Variants in EHD4 observed in about 807,000 individuals in gnomAD.
EHD4 encodes the protein EH domain containing 4, also known as EH domain-containing protein 4.
EHD4 carries 37 observed loss-of-function variants against 51.0 expected under a neutral mutation model. The observed-to-expected ratio is 0.73, with a 90% CI of 0.56 to 0.95. The LOEUF is 0.95. EHD4 is among the 40% of genes least tolerant of loss of function. The probability of loss-of-function intolerance (pLI) is 0.00; values close to 1 mark genes in which losing one functional copy is unlikely to be tolerated. For missense variants in EHD4, 632 were observed against 733.1 expected, an observed-to-expected ratio of 0.86 and a Z score of 1.59; for synonymous variants, 297 against 317.3, an observed-to-expected ratio of 0.94 and a Z score of 0.68.
chr15:41,945,415 C>T (rs1005136719), intron 2 of EHD4, among the ~76,000 whole-genome samples: 1 of 152,196 alleles, frequency 6.6e-6, no homozygotes, highest in Non-Finnish European at 1.5e-5. Context: ...AGCAAGCCAC[C>T]GTGAGATGTG....
rs576091991 is a variant in EHD4, at chr15:41,919,482, G to T, written c.652C>A (p.Arg218Ser). 2.6e-6 allele frequency: 4 copies of T among 1,559,710 alleles called. No homozygotes were observed. In the Admixed American group the frequency reaches 5.8e-5, roughly 23 times the overall value. ...TGGTCGGCCTTGTTCAGCACGACACGGATCTTGTCGTCCTGGCCCCGGAAG... is the reference window on the plus strand; with the variant it reads ...TGGTCGGCCTTGTTCAGCACGACACTGATCTTGTCGTCCTGGCCCCGGAAG... ...KAFRGQDDKI[R>S]VVLNKADQVD... The change falls in exon 4 of 6, where the codon CGT becomes AGT. Residue 218 changes from arginine to serine, a missense_variant. Coordinates refer to ENST00000220325, the MANE Select transcript of EHD4 (RefSeq NM_139265.4).
At chr15:41,968,742 T>A (rs1419929538) in intron 1 of EHD4, among the ~76,000 whole-genome samples, 2 of 152,240 alleles carry the variant, frequency 1.3e-5, no homozygotes, top group Non-Finnish European at 2.9e-5. Context: ...GAAAATTAAA[T>A]CACATGATGC....
At chr15:41,920,437 G>A (rs1342194113) in intron 3 of EHD4, among the ~76,000 whole-genome samples, 4 of 152,186 alleles carry the variant, frequency 2.6e-5, no homozygotes, top group Non-Finnish European at 1.5e-5. Context: ...AGGAGGCCAA[G>A]CCCACAAAGT....
chr15:41,971,513 C>G (rs1173858394), intron 1 of EHD4, among the ~76,000 whole-genome samples: 2 of 152,192 alleles, frequency 1.3e-5, no homozygotes, highest in Non-Finnish European at 2.9e-5. Context: ...ACAGGGTATG[C>G]ACAGTGATTG....
At chr15:41,903,453 TACACAC>T (rs146543286) in intron 5 of EHD4, among the ~76,000 whole-genome samples, 38,991 of 144,334 alleles carry the variant, frequency 0.27, 5,116 homozygotes, top group Middle Eastern at 0.41. Context: ...TTAACATACA[TACACAC>T]ACACACACAC....
At chr15:41,964,284 A>G (rs892757365) in intron 1 of EHD4, among the ~76,000 whole-genome samples, 2 of 152,202 alleles carry the variant, frequency 1.3e-5, no homozygotes, top group Non-Finnish European at 2.9e-5. Flanking sequence ...ACTAGTAAGA[A>G]ATAAACAAAT....
chr15:41,924,196 G>T (rs540362382), intron 3 of EHD4, among the ~76,000 whole-genome samples: 18 of 152,252 alleles, frequency 1.2e-4, no homozygotes, highest in African/African-American at 3.4e-4. Flanking sequence ...TTCACACAGG[G>T]TATTAAAATC....
intron 1 of EHD4, among the ~76,000 whole-genome samples, chr15:41,961,238 C>T (rs982000174): frequency 4.6e-5 from 7 of 152,220 alleles, no homozygotes; most frequent in African/African-American, 1.7e-4. Flanking sequence ...CTGCTGTCTA[C>T]CCACTGCCAT....
intron 2 of EHD4, among the ~76,000 whole-genome samples, chr15:41,951,752 C>T (rs1349078978): frequency 6.6e-6 from 1 of 152,204 alleles, no homozygotes; most frequent in Non-Finnish European, 1.5e-5. Context: ...CCACCCTGGG[C>T]CACTCTGTCC....
chr15:41,962,739 C>A (rs1424766242), intron 1 of EHD4, among the ~76,000 whole-genome samples: 1 of 152,020 alleles, frequency 6.6e-6, no homozygotes, highest in Non-Finnish European at 1.5e-5. Flanking sequence ...GCCCAGCCAC[C>A]CTGTCTGGGA....
Position 41,927,820 on chromosome 15 carries a change from CG to C in EHD4, c.512-8199del, listed in dbSNP as rs148845819. ...TGCTTGTAATGGATACTTAAAAATG[CG>C]TAAAGAGGGTAGATTTCGTTAAGTG... On this transcript the variant is annotated intron_variant, in intron 3 of 5. Transcript: ENST00000220325. Among the ~76,000 whole-genome samples, 312 of 152,172 alleles carry C rather than the reference CG, an allele frequency of 2.1e-3. 1 individual carries two copies. Among genetic ancestry groups the C allele is most frequent in the Admixed American group, 3.6e-3 (55 of 15,288 alleles).
chr15:41,908,957 G>C (rs1595530522), intron 5 of EHD4, among the ~76,000 whole-genome samples: 1 of 152,350 alleles, frequency 6.6e-6, no homozygotes, highest in South Asian at 2.1e-4. Flanking sequence ...CCAGGGCAGA[G>C]GGGTCCTTGC....
intron 3 of EHD4, chr15:41,942,815 A>AGTG: frequency 1.2e-5 from 2 of 166,882 alleles, no homozygotes; most frequent in Non-Finnish European, 1.0e-5. Context: ...GATACCTCCC[A>AGTG]TTGTTTACCC....
At chr15:41,936,475 G>A (rs761288919) in intron 3 of EHD4, among the ~76,000 whole-genome samples, 8 of 152,154 alleles carry the variant, frequency 5.3e-5, no homozygotes, top group Middle Eastern at 3.2e-3. Flanking sequence ...TTACTCAAAA[G>A]AGTAAGGAGC....
chr15:41,957,835 G>T (rs2067897709), intron 1 of EHD4, among the ~76,000 whole-genome samples: 1 of 152,220 alleles, frequency 6.6e-6, no homozygotes, highest in African/African-American at 2.4e-5. Context: ...ACAGGTACAT[G>T]TCAGTGCAGT....
intron 3 of EHD4, among the ~76,000 whole-genome samples, chr15:41,930,716 C>T (rs941584047): frequency 1.3e-5 from 2 of 152,176 alleles, no homozygotes; most frequent in African/African-American, 4.8e-5. Flanking sequence ...TATCAGCTAA[C>T]CAGCTCCTCA....
At chr15:41,947,073 A>G (rs2067820059) in intron 2 of EHD4, among the ~76,000 whole-genome samples, 2 of 152,186 alleles carry the variant, frequency 1.3e-5, no homozygotes, top group Admixed American at 6.5e-5. Context: ...CAGAGCAGAC[A>G]CATGCCATAA....
intron 1 of EHD4, among the ~76,000 whole-genome samples, chr15:41,967,862 T>C (rs1196614089): frequency 2.0e-5 from 3 of 152,246 alleles, no homozygotes; most frequent in African/African-American, 4.8e-5. Flanking sequence ...ATACAGTTCT[T>C]TGAGCAGAAA....
intron 3 of EHD4, among the ~76,000 whole-genome samples, chr15:41,925,660 A>G (rs1042170551): frequency 1.3e-5 from 2 of 152,230 alleles, no homozygotes; most frequent in African/African-American, 4.8e-5. Context: ...TAATCAGTCC[A>G]GTTGTTTCAA....
Sources: allele counts gnomAD v4.1 joint callset (sites outside exome capture counted in the v4.1 genomes callset), GRCh38; gene constraint gnomAD v4.1.1; transcripts MANE v1.5; gene names NCBI Gene and HGNC (gene_info 2026-07-23, HGNC 2026-07-21).